Variants in MDGA2 observed in about 807,000 individuals in gnomAD.
MDGA2 encodes MAM domain containing glycosylphosphatidylinositol anchor 2.
In MDGA2, 40 loss-of-function variants were observed where a neutral mutation model predicts 117.8. The observed-to-expected ratio is 0.34, with a 90% CI of 0.26 to 0.44. The LOEUF (loss-of-function observed/expected upper bound fraction) is 0.44, where lower values mean the gene tolerates loss of function less well. MDGA2 is among the 20% of genes least tolerant of loss of function. The pLI is 1.00. For missense variants in MDGA2, 1,123 were observed against 1,250.6 expected (o/e 0.90, Z 1.54); for synonymous variants, 452 against 439.0 (o/e 1.03, Z -0.37).
chr14:46,929,340 G>A (rs1163655286), intron 9 of MDGA2, among the ~76,000 whole-genome samples: 1 of 151,580 alleles, frequency 6.6e-6, no homozygotes, highest in African/African-American at 2.4e-5. Flanking sequence ...TTTGAATGAT[G>A]TATATTTAAC....
chr14:46,951,480 A>G (rs563333302), intron 9 of MDGA2, among the ~76,000 whole-genome samples: 64 of 152,126 alleles, frequency 4.2e-4, no homozygotes, highest in African/African-American at 1.1e-3. Flanking sequence ...TATTATGTAC[A>G]TAAGATTCCA....
chr14:47,131,515 T>C (rs1882202432), intron 5 of MDGA2, among the ~76,000 whole-genome samples, 199 bp downstream of exon 5: 1 of 152,038 alleles, frequency 6.6e-6, no homozygotes, highest in Non-Finnish European at 1.5e-5. Flanking sequence ...CACGTAAACA[T>C]ATTACATGGA....
In MDGA2 at chr14:47,242,740, C is replaced by T. The variant is rs548259157; in HGVS notation, c.421-24545G>A. On this transcript the variant is annotated intron_variant, in intron 2 of 16. Coordinates refer to ENST00000399232, the MANE Select transcript of MDGA2 (RefSeq NM_001113498.3). ...TGAGCCTCCCACCCACTCCATGGGC[C>T]CCTGTGCGGCCCGAGCCTCCCCGAC... Among the ~76,000 whole-genome samples the T allele has an allele frequency of 4.0e-4, 61 of 151,924 alleles. 1 individual carries two copies. In the South Asian group the frequency reaches 6.9e-3, roughly 17 times the overall value.
chr14:47,371,838 T>C (rs767910921), intron 1 of MDGA2, among the ~76,000 whole-genome samples: 15 of 151,844 alleles, frequency 9.9e-5, no homozygotes, highest in Non-Finnish European at 1.8e-4. Context: ...TCCTACCTTT[T>C]TGATAAAAAT....
chr14:47,158,226 A>C (rs1883480164), intron 3 of MDGA2, among the ~76,000 whole-genome samples: 2 of 152,174 alleles, frequency 1.3e-5, no homozygotes, highest in Admixed American at 1.3e-4. Context: ...TTTGTGGTCT[A>C]GGGTTAATAG....
intron 8 of MDGA2, among the ~76,000 whole-genome samples, chr14:46,960,944 A>G (rs902217030): frequency 8.1e-6 from 1 of 123,686 alleles, no homozygotes; most frequent in South Asian, 2.4e-4. Context: ...ATGCGTATAT[A>G]TATATACACA....
chr14:47,430,465 T>G (rs1892777126), intron 1 of MDGA2, among the ~76,000 whole-genome samples: 1 of 152,066 alleles, frequency 6.6e-6, no homozygotes, highest in Non-Finnish European at 1.5e-5. Context: ...TTCTCATACT[T>G]CATTGAAGAA....
chr14:47,284,967 T>C (rs1435964153), intron 2 of MDGA2, among the ~76,000 whole-genome samples: 5 of 152,178 alleles, frequency 3.3e-5, no homozygotes, highest in Non-Finnish European at 5.9e-5. Flanking sequence ...CTTAGCAATG[T>C]TCAGACTGCT....
At chr14:47,363,041 CTCTTT>C (rs1891157365) in intron 1 of MDGA2, among the ~76,000 whole-genome samples, 2 of 152,066 alleles carry the variant, frequency 1.3e-5, no homozygotes, top group South Asian at 4.1e-4. Context: ...CAAAAGCAGC[CTCTTT>C]TCTTTCCCTT....
intron 2 of MDGA2, among the ~76,000 whole-genome samples, chr14:47,264,711 T>C (rs1594760970): frequency 6.6e-6 from 1 of 152,152 alleles, no homozygotes; most frequent in African/African-American, 2.4e-5. Flanking sequence ...GGAATACATA[T>C]GCAGAATGTG....
chr14:47,272,671 T>C (rs1888184102), intron 2 of MDGA2, among the ~76,000 whole-genome samples: 1 of 152,192 alleles, frequency 6.6e-6, no homozygotes, highest in Non-Finnish European at 1.5e-5. Context: ...AGAAATATCT[T>C]CAAGTTTTTT....
In MDGA2 at chr14:46,957,551, T is replaced by C. The variant is rs772341366; in HGVS notation, c.1912A>G (p.Ile638Val). 4.8e-5 allele frequency: 77 copies of C among 1,614,054 alleles called. No homozygotes were observed. Among genetic ancestry groups the C allele is most frequent in the Non-Finnish European group, 5.7e-5 (67 of 1,180,026 alleles). Reference protein sequence around the residue: ...MSCRVLRAYPIRVLTYEWRLG... With the variant: ...MSCRVLRAYPVRVLTYEWRLG... ...CGCCACTCATAGGTCAGCACCCGTA[T>C]TGGATAGGCTCTCAGTACTCTGCAA... The change falls in exon 9 of 17, where the codon ATA becomes GTA. Residue 638 changes from isoleucine to valine, a missense_variant. Around this residue, in one of 2 missense-constraint regions of MDGA2, gnomAD observed 890 missense variants for 1,050.3 expected, o/e 0.85. Transcript: ENST00000399232.
intron 6 of MDGA2, among the ~76,000 whole-genome samples, chr14:47,079,409 T>C (rs1248766904): frequency 6.6e-6 from 1 of 152,196 alleles, no homozygotes; most frequent in Non-Finnish European, 1.5e-5. Flanking sequence ...AAATTCAGCA[T>C]GGAATTATAT....
chr14:46,966,022 C>T (rs1886017102), intron 8 of MDGA2, among the ~76,000 whole-genome samples: 1 of 151,554 alleles, frequency 6.6e-6, no homozygotes, highest in African/African-American at 2.4e-5. Flanking sequence ...TTCACTTATA[C>T]TAAGATAGTT....
At chr14:47,386,363 G>T (rs927804654) in intron 1 of MDGA2, among the ~76,000 whole-genome samples, 1 of 152,110 alleles carries the variant, frequency 6.6e-6, no homozygotes, top group Non-Finnish European at 1.5e-5. Flanking sequence ...ACTCATTATG[G>T]TTAATTTTAT....
chr14:47,294,340 G>A (rs1888990558), intron 2 of MDGA2, among the ~76,000 whole-genome samples: 1 of 151,876 alleles, frequency 6.6e-6, no homozygotes, highest in African/African-American at 2.4e-5. Flanking sequence ...CAAGCAATCT[G>A]CTGACCTCGG....
rs532508443 is a variant in MDGA2, at chr14:47,400,977, T to C, written c.281-99427A>G. Among the ~76,000 whole-genome samples the C allele has an allele frequency of 2.2e-3, 340 of 151,520 alleles. 2 individuals are homozygous for C. The highest frequency in any genetic ancestry group is 8.0e-3 in the African/African-American group (333 of 41,372). ...TTTCACCGTGTTAGCCAGGATGGTC[T>C]TGATCTCCTGACCTCATGATCCGCT... On this transcript the variant is annotated intron_variant, in intron 1 of 16. Transcript: ENST00000399232.
chr14:46,888,270 CA>C (rs1285733562), intron 10 of MDGA2, among the ~76,000 whole-genome samples: 3 of 151,858 alleles, frequency 2.0e-5, no homozygotes, highest in Non-Finnish European at 4.4e-5. Flanking sequence ...AAAGGAGATG[CA>C]ATATTATTCC....
In MDGA2 at chr14:47,176,786, C is replaced by A. The variant is rs544506648; in HGVS notation, c.596-32512G>T. Among the ~76,000 whole-genome samples the A allele has an allele frequency of 5.6e-3, 845 of 152,088 alleles. 7 individuals are homozygous for A. Among genetic ancestry groups the A allele is most frequent in the African/African-American group, 0.019 (790 of 41,462 alleles). ...ACACCAAAAGCAATGGCAACAAAAG[C>A]CAAAATTGACAAATGGGATCTAATT... On this transcript the variant is annotated intron_variant, in intron 3 of 16. Coordinates refer to ENST00000399232, the MANE Select transcript of MDGA2 (RefSeq NM_001113498.3).
Sources: gnomAD v4.1 joint callset for allele counts (sites outside exome capture counted in the v4.1 genomes callset) on GRCh38, gnomAD v4.1.1 for gene constraint, gnomAD v4.1.1 regional missense constraint, MANE v1.5 for transcripts, NCBI Gene and HGNC (gene_info 2026-07-23, HGNC 2026-07-21) for gene names.